The following GAN variants were observed in gnomAD, a reference collection of about 807,000 sequenced individuals.
GAN encodes the protein epididymis secretory sperm binding protein.
A neutral mutation model predicts 71.3 loss-of-function variants in GAN; 48 were observed. The observed-to-expected ratio is 0.67, with a 90% CI of 0.53 to 0.86. GAN has a LOEUF of 0.86. Ranked by LOEUF, GAN falls within the 40% of genes least tolerant of loss-of-function variation. The pLI is 0.00. For synonymous variants in GAN, 386 were observed against 276.8 expected (o/e 1.39, Z -3.92); for missense variants, 928 against 770.1 (o/e 1.21, Z -2.43).
At chr16:81,336,465 A>G (rs374378736) in intron 1 of GAN, among the ~76,000 whole-genome samples, 1 of 151,840 alleles carries the variant, frequency 6.6e-6, no homozygotes, top group African/African-American at 2.4e-5. Context: ...TTTTATTTTT[A>G]TGTATTTATT....
intron 2 of GAN, among the ~76,000 whole-genome samples, chr16:81,354,069 C>A (rs181939770): frequency 9.2e-5 from 14 of 152,274 alleles, no homozygotes; most frequent in Admixed American, 9.2e-4. Flanking sequence ...GTAGAACTTT[C>A]CATTTCCCAA....
intron 1 of GAN, among the ~76,000 whole-genome samples, chr16:81,329,793 T>A (rs1049523269): frequency 2.8e-4 from 42 of 152,132 alleles, no homozygotes; most frequent in African/African-American, 1.0e-3. Flanking sequence ...GATTCCATTC[T>A]CACCCTGCAC....
intron 1 of GAN, among the ~76,000 whole-genome samples, chr16:81,343,408 G>T (rs1002809765): frequency 2.4e-4 from 36 of 152,204 alleles, no homozygotes; most frequent in Admixed American, 2.0e-4. Context: ...ACATCAGAAA[G>T]CTTATCCACC....
intron 5 of GAN, among the ~76,000 whole-genome samples, chr16:81,358,926 A>C (rs1480512323): frequency 1.3e-5 from 2 of 152,114 alleles, no homozygotes; most frequent in East Asian, 3.8e-4. Context: ...TTGCCCAGCA[A>C]CATTATCTTT....
At chr16:81,317,106 C>T (rs1206404086) in intron 1 of GAN, among the ~76,000 whole-genome samples, 6 of 152,230 alleles carry the variant, frequency 3.9e-5, no homozygotes, top group Non-Finnish European at 7.3e-5. Flanking sequence ...ATCCGCCCAC[C>T]TCGGCCTCCC....
rs553977605 is a variant in GAN at position 81,351,486 on chromosome 16, G to C, written c.168-97G>C. ...TTTTCTAGGTGGGGATTCATATACT[G>C]ATAAGTATCTTATACGTTATAGAGT... On this transcript the variant is annotated intron_variant, in intron 1 of 10. Transcript: ENST00000648994. The C allele has an allele frequency of 1.7e-4, 118 of 712,732 alleles. No individual in the cohort carries two copies. In the South Asian group the frequency reaches 1.7e-3, roughly 10 times the overall value. 44.2% of individuals were successfully genotyped at this position (712,732 alleles called of 1,614,324 possible).
intron 9 of GAN, among the ~76,000 whole-genome samples, chr16:81,375,886 C>CTA (rs777028743): frequency 1.3e-5 from 2 of 150,760 alleles, no homozygotes; most frequent in Non-Finnish European, 2.9e-5. Context: ...GAGAGGATCA[C>CTA]TAGAGTCCAA....
Position 81,349,239 on chromosome 16 carries a change from C to T in GAN, c.168-2344C>T, listed in dbSNP as rs144223508. Among the ~76,000 whole-genome samples, 757 of 152,128 alleles carry T rather than the reference C, an allele frequency of 5.0e-3. 3 individuals carry two copies. The highest frequency in any genetic ancestry group is 0.017 in the African/African-American group (725 of 41,496). ...TACCCTGTACTACCAGTTCCCGGAG[C>T]CTTTGGGAAGTCTTCAGTCCAATTC... On this transcript the variant is annotated intron_variant, in intron 1 of 10. Coordinates refer to ENST00000648994, the MANE Select transcript of GAN (RefSeq NM_022041.4).
Position 81,357,506 on chromosome 16 carries a change from A to G in GAN, c.852-304A>G, listed in dbSNP as rs149829661. Among the ~76,000 whole-genome samples, 412 of 152,222 alleles carry G rather than the reference A, an allele frequency of 2.7e-3. 2 individuals carry two copies. The highest frequency in any genetic ancestry group is 9.4e-3 in the African/African-American group (392 of 41,524). On this transcript the variant is annotated intron_variant, in intron 4 of 10. Transcript: ENST00000648994. Reference sequence around the variant, plus strand: ...TACATTTTCTTAATCCAGTCTATCAATGTTGGACATTTGGGTTGGTTCCAA... The same window carrying G: ...TACATTTTCTTAATCCAGTCTATCAGTGTTGGACATTTGGGTTGGTTCCAA...
chr16:81,366,789 TGG>T (rs2150692743), intron 9 of GAN, among the ~76,000 whole-genome samples: 1 of 152,284 alleles, frequency 6.6e-6, no homozygotes, highest in South Asian at 2.1e-4. Flanking sequence ...GATACATGAC[TGG>T]GAGGGCTGAT....
In GAN at chr16:81,377,933, A is replaced by C. The variant is rs1285830430; in HGVS notation, c.*337A>C. 3 of 353,374 alleles carry C rather than the reference A, an allele frequency of 8.5e-6. No homozygotes were observed. Among genetic ancestry groups the C allele is most frequent in the Non-Finnish European group, 1.6e-5 (3 of 185,946 alleles). The allele number at this position is 353,374 out of a possible 1,614,324, so 21.9% of individuals were successfully genotyped here. A position where few individuals can be genotyped will look rare whatever the true frequency, so the allele number is the denominator to read the frequency against. On this transcript the variant is annotated 3_prime_UTR_variant, in exon 11 of 11. Transcript: ENST00000648994. ...AAAATACTAAGGTGCATTTTCCCTG[A>C]AGGGAACTCATGTCTGACTGCTGTA...
rs185146497 is a variant in GAN, at chr16:81,328,410, G to T, written c.167+13130G>T. On this transcript the variant is annotated intron_variant, in intron 1 of 10. Transcript: ENST00000648994. ...ACATCATATTACTGTTTCATATTCT[G>T]TGCTTCAGAAATGTCATTCTCTTTG... Among the ~76,000 whole-genome samples the T allele has an allele frequency of 7.9e-5, 12 of 152,182 alleles. No homozygotes were observed. In the East Asian group the frequency reaches 2.3e-3, roughly 29 times the overall value.
chr16:81,364,023 C>G (rs1910765979), intron 7 of GAN, 80 bp downstream of exon 7: 1 of 1,056,306 alleles, frequency 9.5e-7, no homozygotes. Context: ...CCTGAATAAA[C>G]CTTTAATATA....
chr16:81,354,457 T>C lies in GAN; in HGVS notation c.335T>C (p.Leu112Pro). ...IQDVVQAADL[L>P]LLTDLKTLCC... The stretch of plus-strand genomic sequence containing the variant: ...GATGTTGTTCAGGCAGCTGACCTGC[T>C]GCTACTGACGGACCTTAAAACCCTG... Residue 112 changes from leucine to proline, a missense_variant, in exon 3 of 11, where the codon CTG becomes CCG. Transcript: ENST00000648994. 2 of 1,614,096 alleles carry C rather than the reference T, an allele frequency of 1.2e-6. No homozygotes were observed.
At position 81,348,484 on chromosome 16, in the gene GAN, G is replaced by A. The variant is rs1198157264; in HGVS notation, c.168-3099G>A. 2.0e-5 allele frequency among the ~76,000 whole-genome samples: 3 copies of A among 151,988 alleles called. No individual in the cohort carries two copies. In the East Asian group the frequency reaches 5.8e-4, roughly 29 times the overall value. ...CTGTTTGCTTGATTTTAAGAGCAGTGCTCTAAAACAGTTTCTTAACCAATG... is the reference window on the plus strand; with the variant it reads ...CTGTTTGCTTGATTTTAAGAGCAGTACTCTAAAACAGTTTCTTAACCAATG... On this transcript the variant is annotated intron_variant, in intron 1 of 10. Coordinates refer to ENST00000648994, the MANE Select transcript of GAN (RefSeq NM_022041.4).
chr16:81,331,555 C>G (rs1238195923), intron 1 of GAN, among the ~76,000 whole-genome samples: 1 of 152,038 alleles, frequency 6.6e-6, no homozygotes, highest in Non-Finnish European at 1.5e-5. Context: ...AAAAAGAAAA[C>G]CAAATTCCTA....
intron 1 of GAN, among the ~76,000 whole-genome samples, chr16:81,343,253 C>T (rs1365679853): frequency 6.6e-6 from 1 of 152,118 alleles, no homozygotes; most frequent in Admixed American, 6.5e-5. Context: ...AGGGGGAATC[C>T]TCACTAACTC....
At chr16:81,327,860 G>A (rs1021329794) in intron 1 of GAN, among the ~76,000 whole-genome samples, 3 of 152,210 alleles carry the variant, frequency 2.0e-5, no homozygotes, top group Admixed American at 2.0e-4. Context: ...TATATAGAAA[G>A]AGCCTTTTAA....
chr16:81,364,970 T>G lies in GAN; in HGVS notation c.1237-4T>G. The G allele has an allele frequency of 1.2e-6, 2 of 1,614,086 alleles. No individual in the cohort carries two copies. The stretch of plus-strand genomic sequence containing the variant: ...TCTCCCCCACCATTGTTCTCTGCTT[T>G]CAGATCGGCTGCTATGCAGCTATGA... On this transcript the variant is annotated splice_polypyrimidine_tract_variant and splice_region_variant and intron_variant, in intron 7 of 10. Coordinates refer to ENST00000648994, the MANE Select transcript of GAN (RefSeq NM_022041.4).
Sources: gnomAD v4.1 joint callset for allele counts (sites outside exome capture counted in the v4.1 genomes callset) on GRCh38, gnomAD v4.1.1 for gene constraint, MANE v1.5 for transcripts, NCBI Gene and HGNC (gene_info 2026-07-23, HGNC 2026-07-21) for gene names.